The following NELL1 variants were observed in gnomAD, a reference collection of about 807,000 sequenced individuals.
NELL1 encodes the protein neural EGFL like 1, also known as protein kinase C-binding protein NELL1.
Under a neutral mutation model 107.4 loss-of-function variants are expected in NELL1, and 76 were observed. That is an observed-to-expected ratio of 0.71 (90% CI 0.59 to 0.86). The LOEUF (loss-of-function observed/expected upper bound fraction) is 0.86, where lower values mean the gene tolerates loss of function less well. NELL1 is among the 40% of genes least tolerant of loss of function. NELL1 has a pLI of 0.00. For synonymous variants in NELL1, 353 were observed against 341.2 expected, an observed-to-expected ratio of 1.03 and a Z score of -0.38; for missense variants, 1,024 against 1,005.5, an observed-to-expected ratio of 1.02 and a Z score of -0.25.
chr11:20,690,073 A>C (rs1309679504), intron 2 of NELL1, among the ~76,000 whole-genome samples: 1 of 152,202 alleles, frequency 6.6e-6, no homozygotes, highest in Non-Finnish European at 1.5e-5. Flanking sequence ...TTCTGGCTGC[A>C]TAAATGTCTT....
chr11:21,254,982 G>T (rs1858733126), intron 14 of NELL1, among the ~76,000 whole-genome samples: 1 of 152,048 alleles, frequency 6.6e-6, no homozygotes, highest in Non-Finnish European at 1.5e-5. Flanking sequence ...AGAGGGAATG[G>T]TAATGATCTG....
chr11:21,309,272 ATATATATGTATATATATATATATATATG>A (rs1251826175), intron 14 of NELL1, among the ~76,000 whole-genome samples: 9 of 22,670 alleles, frequency 4.0e-4, no homozygotes, highest in South Asian at 1.8e-3. Flanking sequence ...ATATATATAT[ATATATATGTATATATATATATATATATG>A]TATATATATA....
chr11:21,341,893 T>G (rs1342744230), intron 14 of NELL1, among the ~76,000 whole-genome samples: 3 of 152,336 alleles, frequency 2.0e-5, no homozygotes, highest in Non-Finnish European at 2.9e-5. Flanking sequence ...CTCATTTTTC[T>G]TGTTCACGTT....
intron 12 of NELL1, among the ~76,000 whole-genome samples, chr11:21,010,457 T>C (rs1228739485): frequency 2.0e-5 from 3 of 152,086 alleles, no homozygotes; most frequent in Non-Finnish European, 1.5e-5. Context: ...TTGAAAGGAA[T>C]GAGCTTGCAG....
rs1034755492 is a variant in NELL1, at chr11:21,168,261, C to T, written c.1426+54547C>T. Among the ~76,000 whole-genome samples, 5 of 151,852 alleles carry T rather than the reference C, an allele frequency of 3.3e-5. 1 individual carries two copies. The highest frequency in any genetic ancestry group is 1.2e-4 in the African/African-American group (5 of 41,152). On this transcript the variant is annotated intron_variant, in intron 13 of 19. Coordinates refer to ENST00000357134, the MANE Select transcript of NELL1 (RefSeq NM_006157.5). Reference sequence around the variant, plus strand: ...AACAACCCAGGTGACATGGAATTTACTATCTCCTCCAGGCATTCCATTCCA... The same window carrying T: ...AACAACCCAGGTGACATGGAATTTATTATCTCCTCCAGGCATTCCATTCCA...
chr11:21,219,915 A>T (rs1456274905), intron 13 of NELL1, among the ~76,000 whole-genome samples: 2 of 152,196 alleles, frequency 1.3e-5, no homozygotes, highest in African/African-American at 4.8e-5. Flanking sequence ...ACCTTAGGAA[A>T]CTTATGGTCA....
chr11:20,755,085 G>A (rs1310225387), intron 2 of NELL1, among the ~76,000 whole-genome samples: 9 of 152,174 alleles, frequency 5.9e-5, no homozygotes, highest in Non-Finnish European at 2.9e-5. Flanking sequence ...ATCATCAGCC[G>A]TTTCTGCTCC....
At chr11:20,845,857 T>TG (rs775792253) in intron 3 of NELL1, among the ~76,000 whole-genome samples, 4 of 152,136 alleles carry the variant, frequency 2.6e-5, no homozygotes, top group Non-Finnish European at 5.9e-5. Flanking sequence ...CCTTCAGACA[T>TG]GGGATATATA....
intron 14 of NELL1, among the ~76,000 whole-genome samples, chr11:21,355,700 T>C (rs566880119): frequency 4.6e-5 from 7 of 152,354 alleles, no homozygotes; most frequent in African/African-American, 1.7e-4. Flanking sequence ...TTCTTGGTGA[T>C]TATCTGTTGA....
chr11:21,485,591 C>T (rs776029728), intron 15 of NELL1, among the ~76,000 whole-genome samples: 1 of 151,744 alleles, frequency 6.6e-6, no homozygotes, highest in African/African-American at 2.4e-5. Flanking sequence ...GCTGTAGGAC[C>T]GAGGTGGGAG....
intron 16 of NELL1, among the ~76,000 whole-genome samples, chr11:21,558,190 GGGAA>G (rs1222003588): frequency 6.6e-6 from 1 of 151,694 alleles, no homozygotes; most frequent in Non-Finnish European, 1.5e-5. Flanking sequence ...AGAAAAAGTA[GGGAA>G]AGAGAGAGAG....
intron 12 of NELL1, among the ~76,000 whole-genome samples, chr11:21,022,044 T>A (rs1852713918): frequency 6.6e-6 from 1 of 152,098 alleles, no homozygotes; most frequent in Non-Finnish European, 1.5e-5. Flanking sequence ...CTGCCCCAGT[T>A]GTGACAACCA....
intron 13 of NELL1, among the ~76,000 whole-genome samples, chr11:21,199,490 T>A (rs1209035674): frequency 6.6e-6 from 1 of 152,156 alleles, no homozygotes; most frequent in Non-Finnish European, 1.5e-5. Context: ...GTACATAGTT[T>A]TATATTTCCA....
At chr11:21,319,897 C>T (rs577646352) in intron 14 of NELL1, among the ~76,000 whole-genome samples, 1 of 152,178 alleles carries the variant, frequency 6.6e-6, no homozygotes, top group South Asian at 2.1e-4. Context: ...AGACTCTAAA[C>T]TCCATGAGAG....
rs893736727 is a variant in NELL1, at chr11:20,979,369, T to C, written c.1300+18809T>C. Among the ~76,000 whole-genome samples, 4 of 152,342 alleles carry C rather than the reference T, an allele frequency of 2.6e-5. No homozygotes were observed. In the South Asian group the frequency reaches 6.2e-4, roughly 24 times the overall value. On this transcript the variant is annotated intron_variant, in intron 12 of 19. Transcript: ENST00000357134. ...TGAATGGAAGATATGTCAGTGTGTGTGTGTTTGTGTGTGCACACGTGTGTG... is the reference window on the plus strand; with the variant it reads ...TGAATGGAAGATATGTCAGTGTGTGCGTGTTTGTGTGTGCACACGTGTGTG...
At chr11:21,121,179 T>C (rs1185724523) in intron 13 of NELL1, among the ~76,000 whole-genome samples, 2 of 151,738 alleles carry the variant, frequency 1.3e-5, no homozygotes, top group African/African-American at 4.8e-5. Context: ...ACAGAGAGGG[T>C]TGGAGTATGG....
At chr11:20,966,479 A>T (rs1289019717) in intron 12 of NELL1, among the ~76,000 whole-genome samples, 1 of 152,132 alleles carries the variant, frequency 6.6e-6, no homozygotes, top group Non-Finnish European at 1.5e-5. Flanking sequence ...CTTAATTCTT[A>T]GTTCCTGCTC....
chr11:20,680,681 C>T lies in NELL1; in HGVS notation c.184+2621C>T, dbSNP rs1290104056. Among the ~76,000 whole-genome samples the T allele has an allele frequency of 2.0e-5, 3 of 152,112 alleles. No individual in the cohort carries two copies. The South Asian group carries it at 6.2e-4, about 31-fold the overall frequency. ...GTTGGGTTCAAGTCTTAGAAATAAT[C>T]CTCTTTGGTTTTGGCTCTGTCTTCT... is the stretch of plus-strand genomic sequence containing the variant. On this transcript the variant is annotated intron_variant, in intron 2 of 19. Coordinates refer to ENST00000357134, the MANE Select transcript of NELL1 (RefSeq NM_006157.5).
At chr11:20,812,467 C>T (rs1478611149) in intron 3 of NELL1, among the ~76,000 whole-genome samples, 1 of 152,090 alleles carries the variant, frequency 6.6e-6, no homozygotes, top group Admixed American at 6.6e-5. Context: ...GTAATGCTGG[C>T]CTCATAGAAT....
Sources: gnomAD v4.1 joint callset for allele counts (sites outside exome capture counted in the v4.1 genomes callset) on GRCh38, gnomAD v4.1.1 for gene constraint, MANE v1.5 for transcripts, NCBI Gene and HGNC (gene_info 2026-07-23, HGNC 2026-07-21) for gene names.